ADD1: variants seen among roughly 807,000 people sequenced by gnomAD.
ADD1 encodes the protein alpha-adducin.
In ADD1, 24 loss-of-function variants were observed where a neutral mutation model predicts 80.5. That is an observed-to-expected ratio of 0.30 (90% CI 0.22 to 0.42). The LOEUF (loss-of-function observed/expected upper bound fraction) is 0.42, where lower values mean the gene tolerates loss of function less well. Among genes scored for constraint, ADD1 ranks in the 10% least tolerant of loss-of-function variants. The pLI, the probability that ADD1 is intolerant of heterozygous loss-of-function variation, is 1.00. For synonymous variants in ADD1, 373 were observed against 393.8 expected (o/e 0.95, Z 0.63); for missense variants, 948 against 1,019.0 (o/e 0.93, Z 0.95).
At chr4:2,881,223 GCC>G (rs1560181502) in intron 2 of ADD1, among the ~76,000 whole-genome samples, 1 of 151,414 alleles carries the variant, frequency 6.6e-6, no homozygotes, top group Non-Finnish European at 1.5e-5. Flanking sequence ...GATTACAGGC[GCC>G]CACCACCACG....
chr4:2,866,338 T>G (rs541522481), intron 1 of ADD1, among the ~76,000 whole-genome samples: 11 of 152,222 alleles, frequency 7.2e-5, no homozygotes, highest in East Asian at 3.9e-4. Flanking sequence ...AGCTAATTTT[T>G]TGTGTGTGTG....
intron 6 of ADD1, among the ~76,000 whole-genome samples, chr4:2,897,930 A>G (rs947679128): frequency 2.0e-5 from 3 of 152,188 alleles, no homozygotes; most frequent in Non-Finnish European, 2.9e-5. Flanking sequence ...CATAGCACTT[A>G]TATCAGTGGG....
At chr4:2,915,714 T>G (rs1311377619) in intron 14 of ADD1, among the ~76,000 whole-genome samples, 1 of 151,942 alleles carries the variant, frequency 6.6e-6, no homozygotes, top group Non-Finnish European at 1.5e-5. Context: ...TCCCAGCTAC[T>G]CGGGAAGGCT....
chr4:2,899,071 T>C (rs976837276), intron 8 of ADD1, 188 bp from the exon 9 acceptor site: 26 of 638,332 alleles, frequency 4.1e-5, no homozygotes, highest in Non-Finnish European at 5.7e-5. Context: ...GTGCCCAATA[T>C]TTTTGTCATG....
intron 1 of ADD1, among the ~76,000 whole-genome samples, chr4:2,875,204 C>T (rs769715011): frequency 1.3e-5 from 2 of 151,954 alleles, no homozygotes; most frequent in Non-Finnish European, 2.9e-5. Context: ...CCTCCAGCCT[C>T]GGTGGCAGAA....
chr4:2,847,981 G>A (rs184331196), intron 1 of ADD1, among the ~76,000 whole-genome samples: 3 of 152,270 alleles, frequency 2.0e-5, no homozygotes, highest in East Asian at 1.9e-4. Flanking sequence ...TTGGGAGGCC[G>A]AGGCAGGTGG....
chr4:2,856,618 G>A (rs770617890), intron 1 of ADD1, among the ~76,000 whole-genome samples: 79 of 143,846 alleles, frequency 5.5e-4, no homozygotes, highest in Middle Eastern at 3.5e-3. Flanking sequence ...CTGAGACGGG[G>A]TCTTGCTCCG....
intron 8 of ADD1, 54 bp downstream of exon 8, chr4:2,898,585 T>C: frequency 1.3e-6 from 2 of 1,501,236 alleles, no homozygotes; most frequent in Non-Finnish European, 1.9e-6. Context: ...TGTCTGGGGT[T>C]CACATAGATT....
intron 14 of ADD1, among the ~76,000 whole-genome samples, chr4:2,920,404 C>T (rs532133382): frequency 1.9e-4 from 29 of 152,186 alleles, no homozygotes; most frequent in African/African-American, 6.3e-4. Flanking sequence ...TTTTCTGTCT[C>T]GTTGATCTAA....
chr4:2,925,429 C>T (rs1425647681), intron 14 of ADD1, among the ~76,000 whole-genome samples: 1 of 152,296 alleles, frequency 6.6e-6, no homozygotes, highest in Non-Finnish European at 1.5e-5. Flanking sequence ...ATATTTTCCC[C>T]GAAATGAGAA....
chr4:2,902,572 C>G (rs914335743), intron 9 of ADD1: 2 of 151,900 alleles, frequency 1.3e-5, no homozygotes, highest in African/African-American at 4.8e-5. Context: ...AACCCCTTCT[C>G]TACAAAAATT....
rs1472000026 is a variant in ADD1, at chr4:2,928,919, C to A, written c.*396C>A. The A allele has an allele frequency of 4.9e-6, 1 of 206,098 alleles. No homozygotes were observed. The highest frequency in any genetic ancestry group is 9.5e-6 in the Non-Finnish European group (1 of 105,200). The allele number at this position is 206,098 out of a possible 1,614,324, so 12.8% of individuals were successfully genotyped here. ...GTCTCTGCTTGGCTTCCCCTCCACCCTAAAGTCTCAGGTGACGGACTCAGA... is the reference window on the plus strand; with the variant it reads ...GTCTCTGCTTGGCTTCCCCTCCACCATAAAGTCTCAGGTGACGGACTCAGA... On this transcript the variant is annotated 3_prime_UTR_variant, in exon 16 of 16. Coordinates refer to ENST00000683351, the MANE Select transcript of ADD1 (RefSeq NM_001354761.2).
At position 2,898,113 on chromosome 4, in the gene ADD1, G is replaced by A. The variant is rs572329404; in HGVS notation, c.742-71G>A. ...TTCCCATTTTATTTCTGTGAGGAAA[G>A]CATTTACCATATCATCAGTCATTGT... is the stretch of plus-strand genomic sequence containing the variant. On this transcript the variant is annotated intron_variant, in intron 6 of 15. Transcript: ENST00000683351. The A allele has an allele frequency of 1.0e-4, 151 of 1,496,686 alleles. No individual in the cohort carries two copies. In the African/African-American group the frequency reaches 1.9e-3, roughly 18 times the overall value. 92.7% of individuals were successfully genotyped at this position (1,496,686 alleles called of 1,614,324 possible).
rs183281959 is a variant in ADD1, at chr4:2,914,103, T to C, written c.1792-781T>C. On this transcript the variant is annotated intron_variant, in intron 13 of 15. Transcript: ENST00000683351. ...TGAGCTCCAGGGAATTAGGGGACAT[T>C]TTCCTGCCCCTGACCCAATCAGGCT... Among the ~76,000 whole-genome samples the C allele has an allele frequency of 2.7e-3, 408 of 150,908 alleles. 7 individuals are homozygous for C. The highest frequency in any genetic ancestry group is 2.2e-3 in the Non-Finnish European group (147 of 67,854).
intron 1 of ADD1, among the ~76,000 whole-genome samples, chr4:2,858,101 A>G (rs1465581825): frequency 1.3e-5 from 2 of 152,234 alleles, no homozygotes; most frequent in East Asian, 1.9e-4. Context: ...CGAAGCCGTG[A>G]TAACAGCCTC....
At chr4:2,886,894 C>T (rs933532305) in intron 4 of ADD1, among the ~76,000 whole-genome samples, 1 of 152,126 alleles carries the variant, frequency 6.6e-6, no homozygotes, top group Non-Finnish European at 1.5e-5. Flanking sequence ...AAGATCAGTG[C>T]GGTGAAAATG....
At chr4:2,905,973 G>A (rs1736985353) in intron 10 of ADD1, among the ~76,000 whole-genome samples, 1 of 152,186 alleles carries the variant, frequency 6.6e-6, no homozygotes, top group South Asian at 2.1e-4. Context: ...CCCCTGGAAT[G>A]GAGGAGACAG....
intron 6 of ADD1, 61 bp from the exon 7 acceptor site, chr4:2,898,123 T>C (rs993803357): frequency 1.4e-5 from 22 of 1,533,246 alleles, no homozygotes; most frequent in Non-Finnish European, 1.9e-5. Context: ...GCATTTACCA[T>C]ATCATCAGTC....
Position 2,881,932 on chromosome 4 carries a change from A to G in ADD1, c.230A>G (p.Glu77Gly). 1 of 1,608,742 alleles carries G rather than the reference A, an allele frequency of 6.2e-7. No individual in the cohort carries two copies. Among genetic ancestry groups the G allele is most frequent in the Non-Finnish European group, 8.5e-7 (1 of 1,178,506 alleles). ...FCEELESMIQ[E>G]QFKKGKNPTG... Reference sequence around the variant, plus strand: ...GAAGAATTGGAATCAATGATACAGGAGCAATTTAAGAAGGGGAAGAACCCC... The same window carrying G: ...GAAGAATTGGAATCAATGATACAGGGGCAATTTAAGAAGGGGAAGAACCCC... Residue 77 changes from glutamate (E) to glycine (G), a missense_variant, in exon 3 of 16, where the codon GAG becomes GGG. Physicochemically the swap from Glu to Gly is moderately conservative, Grantham distance 98. Transcript: ENST00000683351.
Sources: gnomAD v4.1 joint callset for allele counts (sites outside exome capture counted in the v4.1 genomes callset) on GRCh38, gnomAD v4.1.1 for gene constraint, MANE v1.5 for transcripts, NCBI Gene and HGNC (gene_info 2026-07-23, HGNC 2026-07-21) for gene names.